The following NECTIN1 variants were observed in gnomAD, a reference collection of about 807,000 sequenced individuals.
NECTIN1 encodes nectin cell adhesion molecule 1, also known as nectin-1.
A neutral mutation model predicts 48.0 loss-of-function variants in NECTIN1; 23 were observed. The observed-to-expected ratio is 0.48, with a 90% CI of 0.34 to 0.68. The LOEUF is 0.68. Ranked by LOEUF, NECTIN1 falls within the 30% of genes least tolerant of loss-of-function variation. The probability of loss-of-function intolerance (pLI) is 0.01; values close to 1 mark genes in which losing one functional copy is unlikely to be tolerated. For missense variants in NECTIN1, 591 were observed against 709.9 expected (o/e 0.83, Z 1.90); for synonymous variants, 270 against 288.9 (o/e 0.93, Z 0.66).
In NECTIN1 at chr11:119,665,772, T is replaced by C. The variant is rs1174150089; in HGVS notation, c.1004-475A>G. Among the ~76,000 whole-genome samples, 1 of 152,168 alleles carries C rather than the reference T, an allele frequency of 6.6e-6. No individual in the cohort carries two copies. The highest frequency in any genetic ancestry group is 1.5e-5 in the Non-Finnish European group (1 of 68,030). On this transcript the variant is annotated intron_variant, in intron 5 of 5. Transcript: ENST00000264025. The surrounding 1 kb of genome is among the most constrained non-coding windows in gnomAD (Gnocchi z 5.1). ...AGGCCACCCAGCAATGATGCATCGT[T>C]GCTTCTCCTGCACATAGAACGTGTG...
At chr11:119,660,979 G>C (rs1036658486), downstream of NECTIN1, 63 of 970,626 alleles carry the variant, frequency 6.5e-5, no homozygotes, top group Non-Finnish European at 7.6e-5. Context: ...GGCAGTGATG[G>C]GATGCAAACC....
At chr11:119,686,400 C>T (rs181722232) in intron 1 of NECTIN1, among the ~76,000 whole-genome samples, 262 of 152,310 alleles carry the variant, frequency 1.7e-3, no homozygotes, top group African/African-American at 6.1e-3. Flanking sequence ...CCAACATCAT[C>T]CCTTCCCTAG....
At chr11:119,707,951 T>C (rs1428711953) in intron 1 of NECTIN1, among the ~76,000 whole-genome samples, 17 of 152,178 alleles carry the variant, frequency 1.1e-4, no homozygotes, top group Admixed American at 1.1e-3. Flanking sequence ...GGAAGGAGCG[T>C]GGAGGAATAA....
At chr11:119,716,936 G>A (rs1403280550) in intron 1 of NECTIN1, among the ~76,000 whole-genome samples, 1 of 152,226 alleles carries the variant, frequency 6.6e-6, no homozygotes, top group Non-Finnish European at 1.5e-5. Context: ...TACACACACA[G>A]AGGACATAAA....
At chr11:119,679,972 A>T (rs150815264) in intron 1 of NECTIN1, among the ~76,000 whole-genome samples, 1,763 of 152,238 alleles carry the variant, frequency 0.012, 13 homozygotes, top group Middle Eastern at 0.048. Flanking sequence ...TCTCCACCAG[A>T]CTGTGAACTC....
intron 5 of NECTIN1, among the ~76,000 whole-genome samples, chr11:119,651,888 C>A (rs1864496761): frequency 6.6e-6 from 1 of 152,156 alleles, no homozygotes. Context: ...CGCCCATCTT[C>A]CATTTGCCAG....
At chr11:119,643,907 G>T (rs1188483572) in intron 5 of NECTIN1, among the ~76,000 whole-genome samples, 1 of 152,246 alleles carries the variant, frequency 6.6e-6, no homozygotes, top group Non-Finnish European at 1.5e-5. Flanking sequence ...GATCCTGGGA[G>T]GTTGGCTATG....
At position 119,662,724 on chromosome 11, in the gene NECTIN1, C is replaced by T; in HGVS notation, c.*2023G>A. On this transcript the variant is annotated 3_prime_UTR_variant, in exon 6 of 6. Coordinates refer to ENST00000264025, the MANE Select transcript of NECTIN1 (RefSeq NM_002855.5). This position sits in a 1 kb window ranked among gnomAD's most constrained non-coding sequence, Gnocchi z 5.3. ...TGTAATGTGGAAAAGGTCCCCTGTC[C>T]TGGGGGACACTAATACTGCTGGGAA... 3.0e-6 allele frequency: 3 copies of T among 984,882 alleles called. No homozygotes were observed. Among genetic ancestry groups the T allele is most frequent in the South Asian group, 9.4e-5 (2 of 21,276 alleles). The allele number at this position is 984,882 out of a possible 1,614,324, so 61.0% of individuals were successfully genotyped here. A position where few individuals can be genotyped will look rare whatever the true frequency, so the allele number is the denominator to read the frequency against.
intron 6 of NECTIN1, among the ~76,000 whole-genome samples, chr11:119,639,140 A>G: frequency 6.6e-6 from 1 of 152,182 alleles, no homozygotes; most frequent in South Asian, 2.1e-4. Flanking sequence ...CAGGGCGGGC[A>G]TGAGGCCTCA....
chr11:119,653,951 T>C (rs1864529884), intron 5 of NECTIN1: 1 of 152,220 alleles, frequency 6.6e-6, no homozygotes, highest in Non-Finnish European at 1.5e-5. Context: ...TCTGCAGAGC[T>C]GATAGGTGGT....
At chr11:119,724,281 G>A (rs1355300746) in intron 1 of NECTIN1, among the ~76,000 whole-genome samples, 1 of 152,124 alleles carries the variant, frequency 6.6e-6, no homozygotes, top group Admixed American at 6.5e-5. Context: ...ATGAGAACTC[G>A]TGGGGCAGGC....
In NECTIN1 at chr11:119,661,397, G is replaced by T. The variant is rs891286042; in HGVS notation, c.*3350C>A. ...GAGGGGCCTGCCTCCTGGCATCCCC[G>T]GTACTGGGCAGTGTGTGAAGCCTCC... is the stretch of plus-strand genomic sequence containing the variant. On this transcript the variant is annotated 3_prime_UTR_variant, in exon 6 of 6. Transcript: ENST00000264025. 1.0e-6 allele frequency: 1 copy of T among 986,040 alleles called. No individual in the cohort carries two copies. Among genetic ancestry groups the T allele is most frequent in the African/African-American group, 1.7e-5 (1 of 57,352 alleles). 61.1% of individuals were successfully genotyped at this position (986,040 alleles called of 1,614,324 possible).
In NECTIN1 at chr11:119,665,280, A is replaced by G; in HGVS notation, c.1021T>C (p.Ser341Pro). The G allele has an allele frequency of 1.9e-6, 3 of 1,592,592 alleles. No individual in the cohort carries two copies. The highest frequency in any genetic ancestry group is 1.7e-6 in the Non-Finnish European group (2 of 1,175,064). Residue 341 changes from serine (S) to proline (P), a missense_variant, in exon 6 of 6, where the codon TCT becomes CCT. Coordinates refer to ENST00000264025, the MANE Select transcript of NECTIN1 (RefSeq NM_002855.5). The surrounding 1 kb of genome is among the most constrained non-coding windows in gnomAD (Gnocchi z 5.1). The stretch of plus-strand genomic sequence containing the variant: ...GCGCGCCGCCCATGTTCGGGAGGAG[A>G]CGGGGTGTAGGGGAATTCTGGGTGA... ...VNITEFPYTP[S>P]PPEHGRRAGP...
intron 1 of NECTIN1, among the ~76,000 whole-genome samples, chr11:119,710,478 AG>A (rs1865624941): frequency 1.3e-5 from 2 of 152,204 alleles, no homozygotes; most frequent in African/African-American, 4.8e-5. Flanking sequence ...TCAAGGACAC[AG>A]GATAAATTCA....
At chr11:119,702,569 G>A (rs983153372) in intron 1 of NECTIN1, among the ~76,000 whole-genome samples, 1 of 141,492 alleles carries the variant, frequency 7.1e-6, no homozygotes, top group Admixed American at 7.1e-5. Context: ...ACCTCACCAG[G>A]GGCATTTGCT....
In NECTIN1 at chr11:119,662,927, C is replaced by A; in HGVS notation, c.*1820G>T. The A allele has an allele frequency of 1.0e-6, 1 of 985,170 alleles. No individual in the cohort carries two copies. The allele number at this position is 985,170 out of a possible 1,614,324, so 61.0% of individuals were successfully genotyped here. On this transcript the variant is annotated 3_prime_UTR_variant, in exon 6 of 6. Coordinates refer to ENST00000264025, the MANE Select transcript of NECTIN1 (RefSeq NM_002855.5). This position sits in a 1 kb window ranked among gnomAD's most constrained non-coding sequence, Gnocchi z 5.3. Reference sequence around the variant, plus strand: ...TGGGCAGCCTGGGCTGGGGCCAGGGCAGTGAGGGCCAGACAACGACGACCC... The same window carrying A: ...TGGGCAGCCTGGGCTGGGGCCAGGGAAGTGAGGGCCAGACAACGACGACCC...
In NECTIN1 at chr11:119,677,793, G is replaced by T. The variant is rs745766165; in HGVS notation, c.495C>A (p.Asp165Glu). The T allele has an allele frequency of 6.2e-7, 1 of 1,614,124 alleles. No individual in the cohort carries two copies. The highest frequency in any genetic ancestry group is 8.5e-7 in the Non-Finnish European group (1 of 1,180,002). The change falls in exon 3 of 6, where the codon GAC becomes GAA. Residue 165 changes from aspartate (D) to glutamate (E), a missense_variant. Transcript: ENST00000264025. This position sits in a 1 kb window ranked among gnomAD's most constrained non-coding sequence, Gnocchi z 5.4. ...AVLRAKKGQDDKVLVATCTSA... is the reference protein window; with the variant it reads ...AVLRAKKGQDEKVLVATCTSA... ...AGGTGCAGGTGGCCACCAGGACCTT[G>T]TCATCCTGCCCCTTCTTGGCTCGAA...
downstream of NECTIN1, among the ~76,000 whole-genome samples, chr11:119,658,323 G>A (rs552088885): frequency 2.2e-4 from 33 of 152,260 alleles, no homozygotes; most frequent in South Asian, 6.6e-3. Flanking sequence ...ATGGGGAGTG[G>A]AACCGCAGTC....
intron 1 of NECTIN1, among the ~76,000 whole-genome samples, chr11:119,692,737 G>A (rs1430232536): frequency 6.6e-6 from 1 of 152,234 alleles, no homozygotes; most frequent in Non-Finnish European, 1.5e-5. Flanking sequence ...TAGAGATGAG[G>A]AAACTCAGGG....
Sources: gnomAD v4.1 joint callset for allele counts (sites outside exome capture counted in the v4.1 genomes callset) on GRCh38, gnomAD v4.1.1 for gene constraint, Gnocchi (gnomAD v3.1) non-coding constraint, MANE v1.5 for transcripts, NCBI Gene and HGNC (gene_info 2026-07-23, HGNC 2026-07-21) for gene names.